RET: variants seen among roughly 807,000 people sequenced by gnomAD.
The protein encoded by RET is ret proto-oncogene.
RET carries 19 observed loss-of-function variants against 118.3 expected under a neutral mutation model. The observed-to-expected ratio is 0.16, with a 90% CI of 0.11 to 0.24. The LOEUF (loss-of-function observed/expected upper bound fraction) is 0.24, where lower values mean the gene tolerates loss of function less well. Among genes scored for constraint, RET ranks in the 10% least tolerant of loss-of-function variants. RET has a pLI of 1.00. For synonymous variants in RET, 597 were observed against 644.1 expected (o/e 0.93, Z 1.11); for missense variants, 1,219 against 1,502.1 (o/e 0.81, Z 3.12).
Position 43,129,505 on chromosome 10 carries a change from T to C in RET, c.*1236T>C. 4.3e-6 allele frequency: 1 copy of C among 235,274 alleles called. No homozygotes were observed. Among genetic ancestry groups the C allele is most frequent in the South Asian group, 1.8e-4 (1 of 5,542 alleles). 14.6% of individuals were successfully genotyped at this position (235,274 alleles called of 1,614,324 possible). A position where few individuals can be genotyped will look rare whatever the true frequency, so the allele number is the denominator to read the frequency against. ...GCTTCTTGTCATTCTTCATTGCTTG[T>C]TTGTGGTCACAGATGCACAACACTC... On this transcript the variant is annotated 3_prime_UTR_variant, in exon 20 of 20. Transcript: ENST00000355710.
At chr10:43,127,752 T>TG (rs1307916938) in intron 19 of RET, among the ~76,000 whole-genome samples, 30 of 152,314 alleles carry the variant, frequency 2.0e-4, no homozygotes, top group Admixed American at 1.6e-3. Flanking sequence ...CGTTAGAGAA[T>TG]GTTTTATAGA....
chr10:43,078,901 G>A (rs1298814546), intron 1 of RET, among the ~76,000 whole-genome samples: 1 of 152,230 alleles, frequency 6.6e-6, no homozygotes, highest in Non-Finnish European at 1.5e-5. Context: ...CACAGTTGGA[G>A]GCACTGGGAG....
intron 19 of RET, 49 bp from the exon 20 acceptor site, chr10:43,128,063 G>A: frequency 6.2e-7 from 1 of 1,606,036 alleles, no homozygotes; most frequent in Non-Finnish European, 8.5e-7. Context: ...GTCTGCACTT[G>A]AAGTTTTGGT....
In RET at chr10:43,111,381, G is replaced by A. The variant is rs537874538; in HGVS notation, c.1438G>A (p.Glu480Lys). The change falls in exon 7 of 20, where the codon GAA becomes AAA. Residue 480 changes from glutamate (E) to lysine (K), a missense_variant. Physicochemically the swap from Glu to Lys is moderately conservative, Grantham distance 56. Coordinates refer to ENST00000355710, the MANE Select transcript of RET (RefSeq NM_020975.6). ...GGCCCTGCGGCGGCCCAAGTGTGCC[G>A]AACTTCACTACATGGTGGTGGCCAC... ...TKALRRPKCA[E>K]LHYMVVATDQ... The A allele has an allele frequency of 1.3e-4, 209 of 1,613,958 alleles. 1 individual carries two copies. In the South Asian group the frequency reaches 1.7e-3, roughly 13 times the overall value.
chr10:43,100,803 G>A (rs1410704418), intron 2 of RET, 81 bp downstream of exon 2: 2 of 1,447,324 alleles, frequency 1.4e-6, no homozygotes, highest in East Asian at 2.5e-5. Context: ...CGCTGACACT[G>A]AAGCTTGGCA....
rs912400736 is a variant in RET, at chr10:43,128,494, G to A, written c.*225G>A. ...ATGCCACACCGGGTAAGAGCTCTGA[G>A]TCTTAGTGGTTAAGCATTCCTTTCT... On this transcript the variant is annotated 3_prime_UTR_variant, in exon 20 of 20. Transcript: ENST00000355710. 4 of 606,802 alleles carry A rather than the reference G, an allele frequency of 6.6e-6. No homozygotes were observed. The Admixed American group carries it at 1.0e-4, about 15-fold the overall frequency. 37.6% of individuals were successfully genotyped at this position (606,802 alleles called of 1,614,324 possible).
intron 12 of RET, 49 bp from the exon 13 acceptor site, chr10:43,118,324 G>A: frequency 6.8e-7 from 1 of 1,463,036 alleles, no homozygotes; most frequent in East Asian, 2.3e-5. Flanking sequence ...GGTCATGGAA[G>A]GGGCTTCCAG....
intron 11 of RET, among the ~76,000 whole-genome samples, chr10:43,115,803 A>G (rs1215503617): frequency 6.6e-6 from 1 of 152,190 alleles, no homozygotes; most frequent in Non-Finnish European, 1.5e-5. Context: ...AGTGTGGTAA[A>G]CAGGTTTCCA....
At position 43,077,075 on chromosome 10, in the gene RET, G is replaced by A. The variant is rs112715174; in HGVS notation, c.-184G>A. The A allele has an allele frequency of 1.4e-6, 1 of 734,760 alleles. No homozygotes were observed. The highest frequency in any genetic ancestry group is 1.7e-6 in the Non-Finnish European group (1 of 584,808). 45.5% of individuals were successfully genotyped at this position (734,760 alleles called of 1,614,324 possible). Reference sequence around the variant, plus strand: ...CCGGCGCTTACCTCGCTTCAGTCCCGCGACCGAAGCAGGGCGCGCAGCAGC... The same window carrying A: ...CCGGCGCTTACCTCGCTTCAGTCCCACGACCGAAGCAGGGCGCGCAGCAGC... On this transcript the variant is annotated 5_prime_UTR_variant, in exon 1 of 20. Transcript: ENST00000355710.
At chr10:43,111,976 ACTCCGGTCCCCTTGGG>A in intron 7 of RET, 107 bp from the exon 8 acceptor site, 1 of 1,384,684 alleles carries the variant, frequency 7.2e-7, no homozygotes, top group East Asian at 2.5e-5. Context: ...TGGGTCTGTC[ACTCCGGTCCCCTTGGG>A]CTCCATCCGT....
chr10:43,103,918 G>A (rs777778939), intron 3 of RET, among the ~76,000 whole-genome samples: 112 of 152,202 alleles, frequency 7.4e-4, no homozygotes, highest in Non-Finnish European at 9.0e-4. Context: ...GGTCTTCAGC[G>A]GTGACCTTCC....
rs61843232 is a variant in RET, at chr10:43,105,066, C to T, written c.740C>T (p.Ala247Val). ...YELVAVCTVHAGAREEVVMVP... is the reference protein window; with the variant it reads ...YELVAVCTVHVGAREEVVMVP... Reference sequence around the variant, plus strand: ...CTGGTGGCCGTGTGCACCGTGCACGCCGGCGCGCGCGAGGAGGTGGTGATG... The same window carrying T: ...CTGGTGGCCGTGTGCACCGTGCACGTCGGCGCGCGCGAGGAGGTGGTGATG... Residue 247 changes from alanine (A) to valine (V), a missense_variant, in exon 4 of 20, where the codon GCC becomes GTC. By Grantham distance (64) the Ala-to-Val change is moderately conservative. Around this residue, in one of 5 missense-constraint regions of RET, gnomAD observed 850 missense variants for 969.6 expected, o/e 0.88. Coordinates refer to ENST00000355710, the MANE Select transcript of RET (RefSeq NM_020975.6). 3 of 1,610,108 alleles carry T rather than the reference C, an allele frequency of 1.9e-6. No homozygotes were observed. Among genetic ancestry groups the T allele is most frequent in the Non-Finnish European group, 2.5e-6 (3 of 1,179,622 alleles).
At chr10:43,078,522 C>T (rs1837102722) in intron 1 of RET, among the ~76,000 whole-genome samples, 1 of 152,252 alleles carries the variant, frequency 6.6e-6, no homozygotes, top group African/African-American at 2.4e-5. Context: ...AAGCCCTTGC[C>T]TTTCTATCTT....
At position 43,077,215 on chromosome 10, in the gene RET, C is replaced by G. The variant is rs1329257309; in HGVS notation, c.-44C>G. The stretch of plus-strand genomic sequence containing the variant: ...GCACCCGCCATCCAGACCCGCCGGC[C>G]CTAGCCGCAGTCCCTCCAGCCGTGG... On this transcript the variant is annotated 5_prime_UTR_variant, in exon 1 of 20. Coordinates refer to ENST00000355710, the MANE Select transcript of RET (RefSeq NM_020975.6). The G allele has an allele frequency of 8.1e-5, 119 of 1,466,494 alleles. No homozygotes were observed. Among genetic ancestry groups the G allele is most frequent in the Non-Finnish European group, 1.0e-4 (115 of 1,111,468 alleles). 90.8% of individuals were successfully genotyped at this position (1,466,494 alleles called of 1,614,324 possible). A position where few individuals can be genotyped will look rare whatever the true frequency, so the allele number is the denominator to read the frequency against.
intron 1 of RET, among the ~76,000 whole-genome samples, chr10:43,082,954 C>T (rs912991855): frequency 6.6e-6 from 1 of 152,178 alleles, no homozygotes; most frequent in Non-Finnish European, 1.5e-5. Context: ...GGCACAGACC[C>T]GGCAGCTGTT....
chr10:43,112,770 A>G, intron 8 of RET, 83 bp from the exon 9 acceptor site: 4 of 1,086,344 alleles, frequency 3.7e-6, no homozygotes, highest in Non-Finnish European at 5.6e-6. Context: ...TCCTCCCTAG[A>G]GGGGCAGGAT....
In RET at chr10:43,113,629, C is replaced by T. The variant is rs80069458; in HGVS notation, c.1833C>T (p.Cys611=). 1.2e-6 allele frequency: 2 copies of T among 1,613,412 alleles called. No homozygotes were observed. Among genetic ancestry groups the T allele is most frequent in the Non-Finnish European group, 1.7e-6 (2 of 1,179,886 alleles). The change falls in exon 10 of 20, where the codon TGC becomes TGT. Residue 611 remains cysteine (C), a synonymous_variant. Coordinates refer to ENST00000355710, the MANE Select transcript of RET (RefSeq NM_020975.6). ...GIKAGYGTCN[C]FPEEEKCFCE... ...AAGCTGGCTATGGCACCTGCAACTG[C>T]TTCCCTGAGGAGGAGAAGTGCTTCT...
At chr10:43,077,938 G>C (rs1564481206) in intron 1 of RET, among the ~76,000 whole-genome samples, 1 of 152,212 alleles carries the variant, frequency 6.6e-6, no homozygotes, top group Non-Finnish European at 1.5e-5. Flanking sequence ...TCCCCCCGAG[G>C]GGCCGCCGTG....
At position 43,120,121 on chromosome 10, in the gene RET, C is replaced by A. The variant is rs1293645997; in HGVS notation, c.2648C>A (p.Ala883Asp). ...RDLAARNILVAEGRKMKISDF... is the reference protein window; with the variant it reads ...RDLAARNILVDEGRKMKISDF... ...TTGGCAGCCAGAAACATCCTGGTAG[C>A]TGAGGGGCGGAAGATGAAGATTTCG... Residue 883 changes from alanine to aspartate, a missense_variant, in exon 15 of 20, where the codon GCT (alanine) becomes GAT (aspartate). This residue lies in a region of RET where 73 missense variants were observed against 156.5 expected (regional missense o/e 0.47). Transcript: ENST00000355710. 2 of 1,614,014 alleles carry A rather than the reference C, an allele frequency of 1.2e-6. No individual in the cohort carries two copies. The highest frequency in any genetic ancestry group is 1.7e-6 in the Non-Finnish European group (2 of 1,180,004).
Sources: gnomAD v4.1 joint callset for allele counts (sites outside exome capture counted in the v4.1 genomes callset) on GRCh38, gnomAD v4.1.1 for gene constraint, gnomAD v4.1.1 regional missense constraint, MANE v1.5 for transcripts, NCBI Gene and HGNC (gene_info 2026-07-23, HGNC 2026-07-21) for gene names.